The following GRIP1 variants were observed in gnomAD, a reference collection of about 807,000 sequenced individuals.
GRIP1 encodes glutamate receptor-interacting protein 1.
Under a neutral mutation model 129.9 loss-of-function variants are expected in GRIP1, and 45 were observed. The ratio of observed to expected loss-of-function variants is 0.35; its 90% confidence interval spans 0.27 to 0.44. GRIP1 has a LOEUF of 0.44. Ranked by LOEUF, GRIP1 falls within the 20% of genes least tolerant of loss-of-function variation. The pLI, the probability that GRIP1 is intolerant of heterozygous loss-of-function variation, is 1.00. For missense variants in GRIP1, 1,196 were observed against 1,396.8 expected (o/e 0.86, Z 2.29); for synonymous variants, 530 against 520.8 (o/e 1.02, Z -0.24).
Position 66,973,919 on chromosome 12 carries a change from C to CTTTTTT in GRIP1, c.58+95125_58+95130dup, listed in dbSNP as rs535699240. 3.9e-4 allele frequency among the ~76,000 whole-genome samples: 47 copies of CTTTTTT among 121,308 alleles called. 1 individual carries two copies. The highest frequency in any genetic ancestry group is 5.5e-4 in the African/African-American group (18 of 32,828). 79.6% of individuals were successfully genotyped at this position (121,308 alleles called of 152,430 possible). A position where few individuals can be genotyped will look rare whatever the true frequency, so the allele number is the denominator to read the frequency against. ...AGTTAGAAGGCTTTTCTTTTCTTTT[C>CTTTTTT]TTTTTTTTTTTTTTTTTTGAGTCAG... On this transcript the variant is annotated intron_variant, in intron 1 of 1. Transcript: ENST00000643019.
At chr12:66,531,651 A>G (rs1040016074) in intron 4 of GRIP1, among the ~76,000 whole-genome samples, 1 of 152,166 alleles carries the variant, frequency 6.6e-6, no homozygotes, top group African/African-American at 2.4e-5. Context: ...TTCAGCTTAG[A>G]CTAATCAACT....
chr12:66,747,484 C>T (rs897067814), intron 1 of GRIP1, among the ~76,000 whole-genome samples: 11 of 151,962 alleles, frequency 7.2e-5, no homozygotes, highest in Admixed American at 1.3e-4. Context: ...CATTTCTTTC[C>T]GTGCCTTCTG....
chr12:66,704,721 A>G (rs1442050576), intron 1 of GRIP1, among the ~76,000 whole-genome samples: 3 of 152,100 alleles, frequency 2.0e-5, no homozygotes, highest in Admixed American at 6.6e-5. Flanking sequence ...CATTAATTAC[A>G]TTGGAATGAT....
At chr12:66,898,506 C>T (rs1484797914) in intron 1 of GRIP1, among the ~76,000 whole-genome samples, 1 of 152,104 alleles carries the variant, frequency 6.6e-6, no homozygotes, top group African/African-American at 2.4e-5. Flanking sequence ...AATTTTCTAA[C>T]CTATTGATAA....
chr12:66,355,023 G>A (rs985270794), intron 23 of GRIP1, among the ~76,000 whole-genome samples: 2 of 152,136 alleles, frequency 1.3e-5, no homozygotes, highest in African/African-American at 4.8e-5. Flanking sequence ...GACACCAAGT[G>A]CCTAATGGTT....
chr12:66,756,810 A>T (rs2037304565), intron 1 of GRIP1, among the ~76,000 whole-genome samples: 1 of 152,210 alleles, frequency 6.6e-6, no homozygotes. Context: ...GTCTGAGACC[A>T]CAGAGCCAAT....
chr12:66,971,865 C>T lies in GRIP1; in HGVS notation c.58+97185G>A, dbSNP rs80144105. 4.4e-3 allele frequency among the ~76,000 whole-genome samples: 668 copies of T among 152,218 alleles called. 3 individuals are homozygous for T. The highest frequency in any genetic ancestry group is 0.015 in the African/African-American group (641 of 41,536). On this transcript the variant is annotated intron_variant, in intron 1 of 1. Coordinates refer to the GRIP1 transcript ENST00000643019. ...ATAAAGGGCAAAGCAATAGCAAAGA[C>T]GCAGAGGCAGGAATCAGAATAACGT...
chr12:66,748,024 T>C (rs1010522909), intron 1 of GRIP1, among the ~76,000 whole-genome samples: 3 of 152,148 alleles, frequency 2.0e-5, no homozygotes, highest in African/African-American at 7.2e-5. Context: ...TGTGTGTGTG[T>C]GTATTTTTTT....
intron 2 of GRIP1, among the ~76,000 whole-genome samples, chr12:66,561,151 G>A (rs2062512898): frequency 6.6e-6 from 1 of 152,144 alleles, no homozygotes; most frequent in Admixed American, 6.5e-5. Flanking sequence ...AATTCATGGA[G>A]CTAGAGAGTA....
intron 1 of GRIP1, among the ~76,000 whole-genome samples, chr12:66,761,297 C>G: frequency 6.6e-6 from 1 of 152,096 alleles, no homozygotes; most frequent in East Asian, 1.9e-4. Flanking sequence ...TAAGTACATG[C>G]ATCTTTGTCT....
intron 2 of GRIP1, among the ~76,000 whole-genome samples, chr12:66,579,525 T>G (rs1210734943): frequency 6.6e-6 from 1 of 152,024 alleles, no homozygotes; most frequent in Non-Finnish European, 1.5e-5. Flanking sequence ...CTTAGATGAA[T>G]GTATAACTAG....
intron 1 of GRIP1, among the ~76,000 whole-genome samples, chr12:66,846,572 G>GA (rs1321923120): frequency 9.2e-5 from 14 of 152,184 alleles, no homozygotes; most frequent in African/African-American, 3.4e-4. Context: ...GACTAACACC[G>GA]AAAAAATAGT....
chr12:66,631,203 G>T (rs1238592007), intron 1 of GRIP1, among the ~76,000 whole-genome samples: 1 of 152,144 alleles, frequency 6.6e-6, no homozygotes, highest in East Asian at 1.9e-4. Context: ...CTCCCAAAGT[G>T]CTAGGATTAC....
chr12:66,477,671 C>A (rs1254307242), intron 7 of GRIP1, among the ~76,000 whole-genome samples: 1 of 152,080 alleles, frequency 6.6e-6, no homozygotes, highest in Non-Finnish European at 1.5e-5. Flanking sequence ...GTACTGGTAC[C>A]AAAACAGAGA....
intron 1 of GRIP1, among the ~76,000 whole-genome samples, chr12:66,780,930 T>C (rs1447118404): frequency 6.6e-6 from 1 of 152,090 alleles, no homozygotes; most frequent in East Asian, 1.9e-4. Context: ...TGAGCTGAGG[T>C]TTCAGCTAAC....
rs186819940 is a variant in GRIP1 at position 67,046,724 on chromosome 12, C to G, written c.58+22326G>C. Reference sequence around the variant, plus strand: ...TATCTAAAACATTTCAAAACACAAGCCAATTACACAAAATAAATTTACATG... The same window carrying G: ...TATCTAAAACATTTCAAAACACAAGGCAATTACACAAAATAAATTTACATG... On this transcript the variant is annotated intron_variant, in intron 1 of 1. Transcript: ENST00000643019. Among the ~76,000 whole-genome samples the G allele has an allele frequency of 4.7e-3, 716 of 152,156 alleles. 5 individuals are homozygous for G. The highest frequency in any genetic ancestry group is 0.016 in the African/African-American group (683 of 41,518).
intron 1 of GRIP1, among the ~76,000 whole-genome samples, chr12:66,599,955 T>C (rs1050677213): frequency 6.6e-6 from 1 of 152,204 alleles, no homozygotes; most frequent in African/African-American, 2.4e-5. Flanking sequence ...TCATAAGTCA[T>C]TGGGTCCACA....
chr12:66,735,114 T>A (rs918259644), intron 1 of GRIP1, among the ~76,000 whole-genome samples: 5 of 152,208 alleles, frequency 3.3e-5, no homozygotes. Flanking sequence ...ATGCTTGTCC[T>A]CACAGCAGTG....
intron 4 of GRIP1, among the ~76,000 whole-genome samples, chr12:66,533,702 C>G (rs574372176): frequency 6.6e-6 from 1 of 152,146 alleles, no homozygotes; most frequent in South Asian, 2.1e-4. Context: ...AATATTCTCT[C>G]TAAACACAGT....
Sources: gnomAD v4.1 joint callset for allele counts (sites outside exome capture counted in the v4.1 genomes callset) on GRCh38, gnomAD v4.1.1 for gene constraint, MANE v1.5 for transcripts, NCBI Gene and HGNC (gene_info 2026-07-23, HGNC 2026-07-21) for gene names.